The following CNTNAP2 variants were observed in gnomAD, a reference collection of about 807,000 sequenced individuals.
CNTNAP2 encodes contactin associated protein 2, also known as contactin-associated protein-like 2.
In CNTNAP2, 98 loss-of-function variants were observed where a neutral mutation model predicts 155.2. The observed-to-expected ratio is 0.63, with a 90% CI of 0.54 to 0.75. The LOEUF is 0.75. Among genes scored for constraint, CNTNAP2 ranks in the 30% least tolerant of loss-of-function variants. CNTNAP2 has a pLI of 0.00. For missense variants in CNTNAP2, 1,727 were observed against 1,688.1 expected, an observed-to-expected ratio of 1.02 and a Z score of -0.40; for synonymous variants, 651 against 631.2, an observed-to-expected ratio of 1.03 and a Z score of -0.47.
chr7:147,568,713 G>C (rs972232170), intron 12 of CNTNAP2, among the ~76,000 whole-genome samples: 3 of 151,824 alleles, frequency 2.0e-5, no homozygotes, highest in Non-Finnish European at 4.4e-5. Context: ...TAACATTTCA[G>C]CTTTTCATTT....
chr7:148,110,870 G>T (rs1804334397), intron 15 of CNTNAP2, among the ~76,000 whole-genome samples: 1 of 152,146 alleles, frequency 6.6e-6, no homozygotes, highest in African/African-American at 2.4e-5. Flanking sequence ...AGAGGAAATT[G>T]ACTTAATAAG....
chr7:146,145,905 C>T (rs1797950670), intron 1 of CNTNAP2, among the ~76,000 whole-genome samples: 1 of 152,158 alleles, frequency 6.6e-6, no homozygotes, highest in Non-Finnish European at 1.5e-5. Flanking sequence ...CTGCATTGCA[C>T]TTTCAATATC....
At chr7:147,823,534 C>T (rs1798395179) in intron 13 of CNTNAP2, among the ~76,000 whole-genome samples, 1 of 152,094 alleles carries the variant, frequency 6.6e-6, no homozygotes, top group African/African-American at 2.4e-5. Context: ...CCTGAAAAAA[C>T]TTGGCTCCTA....
chr7:147,506,224 T>G (rs2116679072), intron 11 of CNTNAP2, among the ~76,000 whole-genome samples: 1 of 152,246 alleles, frequency 6.6e-6, no homozygotes, highest in Non-Finnish European at 1.5e-5. Context: ...GCTCGGGTCC[T>G]TCAAGTTTCT....
intron 13 of CNTNAP2, among the ~76,000 whole-genome samples, chr7:147,824,359 A>C (rs548633702): frequency 2.1e-4 from 32 of 152,284 alleles, no homozygotes; most frequent in African/African-American, 7.7e-4. Flanking sequence ...TATGATGACG[A>C]AGTCTTGAGA....
rs58435059 is a variant in CNTNAP2, at chr7:146,404,139, A to AAAAAAC, written c.97+287169_97+287170insAACAAA. ...GACTCCGTCTCAAAAAAAAAAAAAA[A>AAAAAAC]AAACAAAGAACTTGGCCTCTTGGTT... On this transcript the variant is annotated intron_variant, in intron 1 of 23. Transcript: ENST00000361727. Among the ~76,000 whole-genome samples the AAAAAAC allele has an allele frequency of 1.7e-3, 244 of 147,420 alleles. 3 individuals are homozygous for AAAAAAC. Among genetic ancestry groups the AAAAAAC allele is most frequent in the Non-Finnish European group, 1.1e-3 (76 of 66,888 alleles).
At position 146,641,784 on chromosome 7, in the gene CNTNAP2, A is replaced by G. The variant is rs148480337; in HGVS notation, c.98-132487A>G. Among the ~76,000 whole-genome samples, 280 of 152,312 alleles carry G rather than the reference A, an allele frequency of 1.8e-3. 2 individuals carry two copies. Among genetic ancestry groups the G allele is most frequent in the African/African-American group, 4.6e-3 (191 of 41,570 alleles). On this transcript the variant is annotated intron_variant, in intron 1 of 23. Transcript: ENST00000361727. ...CTGCAGAGAGAATTACAGTTTTACA[A>G]CTATCATAGAGATTCAGAACAGATG...
chr7:147,836,508 G>A (rs140409220), intron 13 of CNTNAP2, among the ~76,000 whole-genome samples: 32 of 152,132 alleles, frequency 2.1e-4, no homozygotes, highest in African/African-American at 4.8e-4. Context: ...GCAACTCTAC[G>A]GGAAGCCCTC....
At chr7:148,316,060 G>GA (rs1179516638) in intron 21 of CNTNAP2, among the ~76,000 whole-genome samples, 1 of 151,868 alleles carries the variant, frequency 6.6e-6, no homozygotes, top group Non-Finnish European at 1.5e-5. Context: ...GTTAGGGAAG[G>GA]AAAAAAAGAT....
At chr7:147,858,750 G>A (rs1167687306) in intron 13 of CNTNAP2, among the ~76,000 whole-genome samples, 3 of 152,090 alleles carry the variant, frequency 2.0e-5, no homozygotes, top group Admixed American at 2.0e-4. Flanking sequence ...TAAAAGCTAC[G>A]TGTACAAGCC....
At chr7:146,159,296 G>A (rs540838801) in intron 1 of CNTNAP2, among the ~76,000 whole-genome samples, 3 of 152,296 alleles carry the variant, frequency 2.0e-5, no homozygotes, top group Non-Finnish European at 2.9e-5. Flanking sequence ...ATGCCAAATT[G>A]TAAAGACCAT....
intron 1 of CNTNAP2, among the ~76,000 whole-genome samples, chr7:146,563,032 A>C (rs1487449734): frequency 6.6e-6 from 1 of 152,226 alleles, no homozygotes; most frequent in Non-Finnish European, 1.5e-5. Flanking sequence ...TAGAGAAATC[A>C]ACTTGTCCAA....
intron 1 of CNTNAP2, among the ~76,000 whole-genome samples, chr7:146,480,975 C>A (rs1038984145): frequency 1.2e-4 from 18 of 151,670 alleles, no homozygotes; most frequent in Non-Finnish European, 2.6e-4. Context: ...CCACCGCGCC[C>A]GGCCCCCAGA....
intron 3 of CNTNAP2, among the ~76,000 whole-genome samples, chr7:146,987,203 C>T (rs1055720528): frequency 9.2e-5 from 14 of 152,110 alleles, no homozygotes; most frequent in East Asian, 3.9e-4. Context: ...TTAGCAAATA[C>T]GTTCCAAAAT....
At chr7:146,165,199 T>A (rs180840384) in intron 1 of CNTNAP2, among the ~76,000 whole-genome samples, 101 of 152,218 alleles carry the variant, frequency 6.6e-4, no homozygotes, top group East Asian at 2.5e-3. Flanking sequence ...TATATTTTTT[T>A]AAAAATTTGT....
intron 1 of CNTNAP2, among the ~76,000 whole-genome samples, chr7:146,221,377 A>C (rs985298116): frequency 6.6e-6 from 1 of 152,076 alleles, no homozygotes; most frequent in African/African-American, 2.4e-5. Context: ...TATACTTTTA[A>C]ATATACTTAT....
Position 148,033,667 on chromosome 7 carries a change from A to G in CNTNAP2, c.2383+55678A>G, listed in dbSNP as rs542741933. Among the ~76,000 whole-genome samples, 76 of 152,344 alleles carry G rather than the reference A, an allele frequency of 5.0e-4. 2 individuals are homozygous for G. The South Asian group carries it at 0.015, about 29-fold the overall frequency. ...TTTTTGACTGCACATATTAGCTTTA[A>G]GAAATTAGAATTGAGCATTAACATG... is the stretch of plus-strand genomic sequence containing the variant. On this transcript the variant is annotated intron_variant, in intron 15 of 23. Coordinates refer to ENST00000361727, the MANE Select transcript of CNTNAP2 (RefSeq NM_014141.6).
intron 13 of CNTNAP2, among the ~76,000 whole-genome samples, chr7:147,804,675 T>C (rs923910579): frequency 6.6e-6 from 1 of 152,100 alleles, no homozygotes; most frequent in African/African-American, 2.4e-5. Context: ...TGCCTCAGCC[T>C]CCCGAATAGC....
At chr7:147,534,038 T>C (rs1562984874) in intron 11 of CNTNAP2, among the ~76,000 whole-genome samples, 1 of 152,220 alleles carries the variant, frequency 6.6e-6, no homozygotes, top group Non-Finnish European at 1.5e-5. Flanking sequence ...ACTTTCTGGC[T>C]TTTAGAATTT....
Sources: gnomAD v4.1 joint callset for allele counts (sites outside exome capture counted in the v4.1 genomes callset) on GRCh38, gnomAD v4.1.1 for gene constraint, MANE v1.5 for transcripts, NCBI Gene and HGNC (gene_info 2026-07-23, HGNC 2026-07-21) for gene names.